Variants in ITGB6 observed in about 807,000 individuals in gnomAD.
ITGB6 encodes the protein integrin beta-6.
In ITGB6, 80 loss-of-function variants were observed where a neutral mutation model predicts 84.5. The ratio of observed to expected loss-of-function variants is 0.95; its 90% CI spans 0.79 to 1.14. ITGB6 has a LOEUF of 1.14. ITGB6 is among the 50% of genes most tolerant of loss of function. The probability of loss-of-function intolerance (pLI) is 0.00; values close to 1 mark genes in which losing one functional copy is unlikely to be tolerated. For missense variants in ITGB6, 1,006 were observed against 968.0 expected (o/e 1.04, Z -0.52); for synonymous variants, 383 against 354.9 (o/e 1.08, Z -0.89).
chr2:160,174,315 T>C (rs1685329905), intron 4 of ITGB6, among the ~76,000 whole-genome samples, 176 bp from the exon 5 acceptor site: 1 of 152,206 alleles, frequency 6.6e-6, no homozygotes, highest in African/African-American at 2.4e-5. Context: ...CCCAACCCTT[T>C]CTATGTTGAC....
intron 2 of ITGB6, among the ~76,000 whole-genome samples, chr2:160,196,641 C>A (rs538923026): frequency 6.6e-6 from 1 of 152,004 alleles, no homozygotes; most frequent in Non-Finnish European, 1.5e-5. Context: ...CTGGAGTCTC[C>A]TTTCAGTTAT....
chr2:160,106,494 C>T (rs1260380079), intron 14 of ITGB6, among the ~76,000 whole-genome samples: 2 of 152,186 alleles, frequency 1.3e-5, no homozygotes, highest in African/African-American at 2.4e-5. Context: ...CTGTCTTGGC[C>T]TCCCAAAGTT....
At chr2:160,118,088 A>T in intron 12 of ITGB6, among the ~76,000 whole-genome samples, 1 of 152,222 alleles carries the variant, frequency 6.6e-6, no homozygotes, top group Non-Finnish European at 1.5e-5. Context: ...CAGAGGTACA[A>T]GGAGGAGCTG....
intron 14 of ITGB6, among the ~76,000 whole-genome samples, chr2:160,104,290 C>A (rs1407878171): frequency 6.6e-6 from 1 of 152,162 alleles, no homozygotes; most frequent in South Asian, 2.1e-4. Context: ...CAGGATAATG[C>A]ACTCACATTG....
chr2:160,144,599 A>T lies in ITGB6; in HGVS notation c.1018-2528T>A, dbSNP rs1016230644. 2.6e-5 allele frequency among the ~76,000 whole-genome samples: 4 copies of T among 152,188 alleles called. No homozygotes were observed. The East Asian group carries it at 7.7e-4, about 29-fold the overall frequency. On this transcript the variant is annotated intron_variant, in intron 7 of 14. Coordinates refer to ENST00000283249, the MANE Select transcript of ITGB6 (RefSeq NM_000888.5). ...AAAGTTTTGGTCTCTTAGGAAAAGG[A>T]TTTCAAGGCTCTTAGCTTTTTATGA...
chr2:160,159,237 C>G (rs1684735656), intron 7 of ITGB6, among the ~76,000 whole-genome samples: 1 of 152,136 alleles, frequency 6.6e-6, no homozygotes, highest in African/African-American at 2.4e-5. Flanking sequence ...AAAAAAACCA[C>G]TGGTGTCTGG....
At position 160,154,749 on chromosome 2, in the gene ITGB6, G is replaced by A. The variant is rs146806682; in HGVS notation, c.1018-12678C>T. Among the ~76,000 whole-genome samples, 32 of 152,172 alleles carry A rather than the reference G, an allele frequency of 2.1e-4. No individual in the cohort carries two copies. The East Asian group carries it at 5.8e-3, about 28-fold the overall frequency. On this transcript the variant is annotated intron_variant, in intron 7 of 14. Transcript: ENST00000283249. Reference sequence around the variant, plus strand: ...CATTCATCAAATGAAACATGATTCAGAGCTAGAAAGAAATGAGTTATCAAG... The same window carrying A: ...CATTCATCAAATGAAACATGATTCAAAGCTAGAAAGAAATGAGTTATCAAG...
chr2:160,191,111 T>C (rs1410682800), intron 4 of ITGB6, among the ~76,000 whole-genome samples: 5 of 152,226 alleles, frequency 3.3e-5, no homozygotes, highest in African/African-American at 7.2e-5. Context: ...TTATGTTAGA[T>C]AGTTAAGAGG....
intron 7 of ITGB6, among the ~76,000 whole-genome samples, chr2:160,146,119 A>G (rs1684176899): frequency 6.6e-6 from 1 of 152,102 alleles, no homozygotes; most frequent in Non-Finnish European, 1.5e-5. Flanking sequence ...CCCTCATTTG[A>G]GGCATGCCCC....
chr2:160,119,510 T>G (rs1437260984), intron 12 of ITGB6, among the ~76,000 whole-genome samples: 10 of 152,032 alleles, frequency 6.6e-5, no homozygotes, highest in South Asian at 2.1e-4. Context: ...TATACAAAAA[T>G]TAATTCAAGA....
intron 6 of ITGB6, among the ~76,000 whole-genome samples, chr2:160,172,078 C>A (rs2105867643): frequency 6.6e-6 from 1 of 152,324 alleles, no homozygotes; most frequent in African/African-American, 2.4e-5. Flanking sequence ...TAGCTGTTTT[C>A]TTTGAATGTC....
chr2:160,187,363 T>C (rs1685945282), intron 4 of ITGB6, among the ~76,000 whole-genome samples: 1 of 152,152 alleles, frequency 6.6e-6, no homozygotes, highest in Non-Finnish European at 1.5e-5. Flanking sequence ...ACATGAAACA[T>C]TCACTGATGT....
intron 7 of ITGB6, among the ~76,000 whole-genome samples, chr2:160,156,732 T>C (rs899356672): frequency 6.6e-6 from 1 of 152,184 alleles, no homozygotes; most frequent in Non-Finnish European, 1.5e-5. Context: ...GAAAGTGTAG[T>C]TAACTTTCCT....
At chr2:160,195,729 C>T (rs1686310776) in intron 3 of ITGB6, 114 bp from the exon 4 acceptor site, 1 of 1,149,128 alleles carries the variant, frequency 8.7e-7, no homozygotes. Context: ...TACTGAAATA[C>T]ATATGATTTT....
intron 10 of ITGB6, among the ~76,000 whole-genome samples, chr2:160,131,761 C>T (rs1471595145): frequency 1.3e-5 from 2 of 152,082 alleles, no homozygotes; most frequent in South Asian, 2.1e-4. Context: ...CTAAATAAAT[C>T]GTATTTTCTA....
intron 13 of ITGB6, among the ~76,000 whole-genome samples, chr2:160,111,430 G>T (rs1350112402): frequency 6.6e-6 from 1 of 151,928 alleles, no homozygotes; most frequent in Non-Finnish European, 1.5e-5. Flanking sequence ...CTAATGAACG[G>T]CCACAAGACT....
chr2:160,128,306 A>G (rs1343273557), intron 10 of ITGB6, among the ~76,000 whole-genome samples: 1 of 150,212 alleles, frequency 6.7e-6, no homozygotes, highest in Non-Finnish European at 1.5e-5. Flanking sequence ...GCATTTCAGG[A>G]ATACATGTGG....
chr2:160,147,654 A>AT, intron 7 of ITGB6, among the ~76,000 whole-genome samples: 1 of 152,230 alleles, frequency 6.6e-6, no homozygotes, highest in Admixed American at 6.5e-5. Context: ...CAGAATAGAG[A>AT]GCCCAGAAAT....
chr2:160,146,620 C>T (rs1037669833), intron 7 of ITGB6, among the ~76,000 whole-genome samples: 4 of 152,048 alleles, frequency 2.6e-5, no homozygotes, highest in Admixed American at 6.6e-5. Flanking sequence ...TATTTTTTGT[C>T]ATTACTTTGT....
Sources: gnomAD v4.1 joint callset for allele counts (sites outside exome capture counted in the v4.1 genomes callset) on GRCh38, gnomAD v4.1.1 for gene constraint, MANE v1.5 for transcripts, NCBI Gene and HGNC (gene_info 2026-07-23, HGNC 2026-07-21) for gene names.